Variants in XKR4 observed in about 807,000 individuals in gnomAD.
The protein encoded by XKR4 is XK related 4, also known as XK-related protein 4.
In XKR4, 12 loss-of-function variants were observed where a neutral mutation model predicts 53.9. The observed-to-expected ratio is 0.22, with a 90% CI of 0.14 to 0.36. XKR4 has a LOEUF of 0.36. Among genes scored for constraint, XKR4 ranks in the 10% least tolerant of loss-of-function variants. The pLI is 1.00. For synonymous variants in XKR4, 354 were observed against 362.4 expected (o/e 0.98, Z 0.26); for missense variants, 799 against 859.5 (o/e 0.93, Z 0.88).
In XKR4 at chr8:55,523,444, T is replaced by C; in HGVS notation, c.1170T>C (p.Phe390=). ...CCATCGCCGCCAGGGTCATCACGTT[T>C]GCCCTCTTTGCCTCGGTTTTCCAGC... The part of the protein sequence containing the change: ...FFTIAARVIT[F]ALFASVFQLY... Residue 390 remains phenylalanine (F), a synonymous_variant, in exon 3 of 3, where the codon TTT becomes TTC. Coordinates refer to ENST00000327381, the MANE Select transcript of XKR4 (RefSeq NM_052898.2). The C allele has an allele frequency of 6.2e-7, 1 of 1,614,226 alleles. No homozygotes were observed. The highest frequency in any genetic ancestry group is 8.5e-7 in the Non-Finnish European group (1 of 1,180,046).
chr8:55,452,130 T>G lies in XKR4; in HGVS notation c.1007-71151T>G, dbSNP rs77526848. On this transcript the variant is annotated intron_variant, in intron 2 of 2. Coordinates refer to ENST00000327381, the MANE Select transcript of XKR4 (RefSeq NM_052898.2). ...GGTGAAGGAGAAGGTGGCCCTGACA[T>G]CCGGTGTGTACCGCAGCTTATGCAG... 1.9e-5 allele frequency: 13 copies of G among 700,028 alleles called. No individual in the cohort carries two copies. The East Asian group carries it at 3.4e-4, about 18-fold the overall frequency. The allele number at this position is 700,028 out of a possible 1,614,324, so 43.4% of individuals were successfully genotyped here.
intron 2 of XKR4, among the ~76,000 whole-genome samples, chr8:55,367,173 A>G (rs572460108): frequency 6.6e-6 from 1 of 152,062 alleles, no homozygotes. Flanking sequence ...TGTGATCACT[A>G]TTTGAAAAAA....
intron 1 of XKR4, among the ~76,000 whole-genome samples, chr8:55,211,851 T>G (rs955138057): frequency 6.6e-6 from 1 of 152,228 alleles, no homozygotes. Context: ...CCATGGCCCA[T>G]GACAGAGCCC....
At chr8:55,496,390 A>T (rs534581270) in intron 2 of XKR4, among the ~76,000 whole-genome samples, 1 of 152,184 alleles carries the variant, frequency 6.6e-6, no homozygotes, top group African/African-American at 2.4e-5. Flanking sequence ...AAAACAAAAA[A>T]AAAATTACCA....
At chr8:55,140,135 C>A (rs1224573661) in intron 1 of XKR4, 2 of 425,236 alleles carry the variant, frequency 4.7e-6, no homozygotes, top group Non-Finnish European at 9.4e-6. Flanking sequence ...GAAAATTCTC[C>A]CTCAGTTATT....
intron 1 of XKR4, among the ~76,000 whole-genome samples, chr8:55,144,701 CTGTT>C (rs1284285582): frequency 6.6e-6 from 1 of 152,056 alleles, no homozygotes; most frequent in Non-Finnish European, 1.5e-5. Flanking sequence ...CTCGAGCTGC[CTGTT>C]TGAGCTCTGC....
chr8:55,521,188 G>A (rs1018641476), intron 2 of XKR4, among the ~76,000 whole-genome samples: 2 of 152,230 alleles, frequency 1.3e-5, no homozygotes, highest in Admixed American at 1.3e-4. Context: ...GCATAGTCTA[G>A]TGAGAAGCTA....
chr8:55,108,079 G>A (rs935305846), intron 1 of XKR4, among the ~76,000 whole-genome samples: 1 of 152,158 alleles, frequency 6.6e-6, no homozygotes, highest in East Asian at 1.9e-4. Flanking sequence ...TGATGGTTCA[G>A]GTAAGACTCT....
chr8:55,520,447 G>A (rs1423632884), intron 2 of XKR4, among the ~76,000 whole-genome samples: 3 of 152,170 alleles, frequency 2.0e-5, no homozygotes, highest in Admixed American at 6.5e-5. Flanking sequence ...TTAGCCAGGC[G>A]TGGTGGCACA....
At chr8:55,308,978 G>C (rs868462041) in intron 1 of XKR4, among the ~76,000 whole-genome samples, 1 of 152,178 alleles carries the variant, frequency 6.6e-6, no homozygotes, top group Non-Finnish European at 1.5e-5. Flanking sequence ...TTCAGAAAAG[G>C]CCTACCCTGT....
intron 1 of XKR4, among the ~76,000 whole-genome samples, chr8:55,230,342 G>T (rs1343869249): frequency 6.7e-6 from 1 of 148,252 alleles, no homozygotes; most frequent in African/African-American, 2.5e-5. Flanking sequence ...TGGTGGCAAT[G>T]ATTATGTTTA....
chr8:55,202,369 C>T (rs1004738678), intron 1 of XKR4, among the ~76,000 whole-genome samples: 7 of 152,150 alleles, frequency 4.6e-5, no homozygotes, highest in African/African-American at 1.4e-4. Flanking sequence ...GGCGAAGCAA[C>T]GTAGTTTCTA....
Position 55,102,571 on chromosome 8 carries a change from C to T in XKR4, c.83C>T (p.Ser28Leu), listed in dbSNP as rs757697280. Residue 28 changes from serine to leucine, a missense_variant, in exon 1 of 3, where the codon TCG becomes TTG. Ser to Leu is a moderately radical substitution (Grantham distance 145). This residue lies in a region of XKR4 where 476 missense variants were observed against 505.4 expected (regional missense o/e 0.94). Transcript: ENST00000327381. This position sits in a 1 kb window ranked among gnomAD's most constrained non-coding sequence, Gnocchi z 5.1. The stretch of plus-strand genomic sequence containing the variant: ...ACCCCGCTGCAGAACTCGGACCACT[C>T]GGGCTCGGTGCAGGGATTGGCTCCA... ...AFTPLQNSDH[S>L]GSVQGLAPGL... 8 of 1,551,934 alleles carry T rather than the reference C, an allele frequency of 5.2e-6. No homozygotes were observed. The highest frequency in any genetic ancestry group is 2.6e-5 in the East Asian group (1 of 37,976).
chr8:55,285,383 A>T (rs989560411), intron 1 of XKR4, among the ~76,000 whole-genome samples: 1 of 152,130 alleles, frequency 6.6e-6, no homozygotes, highest in Non-Finnish European at 1.5e-5. Context: ...AAGTTAAGAG[A>T]TGAATGGGAA....
intron 2 of XKR4, among the ~76,000 whole-genome samples, chr8:55,364,120 G>T (rs1803939130): frequency 6.6e-6 from 1 of 152,164 alleles, no homozygotes. Flanking sequence ...CCTGCTCCGG[G>T]AAGGGGCCAG....
chr8:55,414,570 A>T (rs1192223258), intron 2 of XKR4, among the ~76,000 whole-genome samples: 1 of 150,192 alleles, frequency 6.7e-6, no homozygotes, highest in Non-Finnish European at 1.5e-5. Context: ...GATTATATAT[A>T]ATATATATAT....
In XKR4 at chr8:55,528,864, A is replaced by T. The variant is rs1806913134; in HGVS notation, c.*4637A>T. The T allele has an allele frequency of 6.6e-6, 1 of 151,904 alleles. No individual in the cohort carries two copies. Among genetic ancestry groups the T allele is most frequent in the African/African-American group, 2.4e-5 (1 of 41,306 alleles). 9.4% of individuals were successfully genotyped at this position (151,904 alleles called of 1,614,324 possible). On this transcript the variant is annotated 3_prime_UTR_variant, in exon 3 of 3. Coordinates refer to ENST00000327381, the MANE Select transcript of XKR4 (RefSeq NM_052898.2). The stretch of plus-strand genomic sequence containing the variant: ...GTTTCAAAATGGCCAAGGATGGGCG[A>T]TTCCGCTCTATCCCCCATTTCTGAG...
At chr8:55,282,023 G>T (rs768449312) in intron 1 of XKR4, among the ~76,000 whole-genome samples, 81 of 152,220 alleles carry the variant, frequency 5.3e-4, no homozygotes, top group Non-Finnish European at 9.1e-4. Context: ...TCAGCTCTGT[G>T]AAGTGATTAG....
chr8:55,221,837 G>A (rs1486291564), intron 1 of XKR4, among the ~76,000 whole-genome samples: 1 of 152,134 alleles, frequency 6.6e-6, no homozygotes, highest in African/African-American at 2.4e-5. Flanking sequence ...ACCAATGGTT[G>A]GACACTGGCC....
Sources: gnomAD v4.1 joint callset for allele counts (sites outside exome capture counted in the v4.1 genomes callset) on GRCh38, gnomAD v4.1.1 for gene constraint, gnomAD v4.1.1 regional missense constraint, Gnocchi (gnomAD v3.1) non-coding constraint, MANE v1.5 for transcripts, NCBI Gene and HGNC (gene_info 2026-07-23, HGNC 2026-07-21) for gene names.